Variants in SCHIP1 observed in about 807,000 individuals in gnomAD.
SCHIP1 encodes the protein schwannomin interacting protein 1, also known as schwannomin-interacting protein 1.
In SCHIP1, 8 loss-of-function variants were observed where a neutral mutation model predicts 29.7. The ratio of observed to expected loss-of-function variants is 0.27; its 90% CI spans 0.16 to 0.49. The LOEUF (loss-of-function observed/expected upper bound fraction) is 0.49. Among genes scored for constraint, SCHIP1 ranks in the 20% least tolerant of loss-of-function variants. The pLI is 0.99. For synonymous variants in SCHIP1, 76 were observed against 94.9 expected (o/e 0.80, Z 1.16); for missense variants, 193 against 294.6 (o/e 0.66, Z 2.52).
the SCHIP1 span, among the ~76,000 whole-genome samples, chr3:159,645,035 G>C: frequency 1.3e-5 from 2 of 152,150 alleles, no homozygotes; most frequent in Non-Finnish European, 2.9e-5. Flanking sequence ...GTAAGGCAGA[G>C]AACATCTGCT....
chr3:159,722,418 G>T, the SCHIP1 span: 2 of 152,186 alleles, frequency 1.3e-5, no homozygotes, highest in Non-Finnish European at 2.9e-5. Context: ...ATAATAATCG[G>T]CACTTCTCAA....
the SCHIP1 span, among the ~76,000 whole-genome samples, chr3:159,452,172 T>G: frequency 6.6e-6 from 1 of 151,716 alleles, no homozygotes; most frequent in Non-Finnish European, 1.5e-5. Flanking sequence ...GGGATACATG[T>G]GCAGAACATG....
the SCHIP1 span, among the ~76,000 whole-genome samples, chr3:159,619,465 C>T: frequency 1.3e-5 from 2 of 152,202 alleles, no homozygotes; most frequent in Non-Finnish European, 2.9e-5. Flanking sequence ...GAAAGAGAAA[C>T]CCCACTGAGC....
At chr3:159,721,214 G>A in the SCHIP1 span, among the ~76,000 whole-genome samples, 36 of 152,242 alleles carry the variant, frequency 2.4e-4, no homozygotes, top group East Asian at 7.0e-3. Context: ...GCATACCATG[G>A]ACACATAGTT....
the SCHIP1 span, among the ~76,000 whole-genome samples, chr3:159,407,573 C>T: frequency 1.3e-5 from 2 of 152,142 alleles, no homozygotes; most frequent in African/African-American, 4.8e-5. Flanking sequence ...CCAATGGCTA[C>T]AAAATACACA....
the SCHIP1 span, among the ~76,000 whole-genome samples, chr3:159,477,920 C>CTTTTTTT: frequency 1.4e-4 from 14 of 98,274 alleles, no homozygotes; most frequent in East Asian, 3.2e-4. Context: ...CATTTTAAAT[C>CTTTTTTT]TTTTTTTTTT....
rs544519522 is a variant in SCHIP1 at position 159,872,610 on chromosome 3, T to C, written c.149+6329T>C. The stretch of plus-strand genomic sequence containing the variant: ...AAGATTATTTATATCCTGTTCTTTC[T>C]GATACTTTCATCTCCACATTCTGGG... On this transcript the variant is annotated intron_variant, in intron 2 of 6. Coordinates refer to ENST00000445224, the Ensembl canonical transcript of SCHIP1. Among the ~76,000 whole-genome samples, 5 of 152,354 alleles carry C rather than the reference T, an allele frequency of 3.3e-5. No homozygotes were observed. The South Asian group carries it at 1.0e-3, about 32-fold the overall frequency.
intron 1 of SCHIP1, among the ~76,000 whole-genome samples, chr3:159,843,324 T>C (rs1023230563): frequency 3.9e-5 from 6 of 152,058 alleles, no homozygotes; most frequent in African/African-American, 1.4e-4. Flanking sequence ...ATTTCTATCA[T>C]GCTTCTCTAA....
At chr3:159,700,989 A>G in the SCHIP1 span, among the ~76,000 whole-genome samples, 5 of 152,306 alleles carry the variant, frequency 3.3e-5, no homozygotes, top group African/African-American at 9.6e-5. Flanking sequence ...ATTAACCTCT[A>G]TGAGACTCAG....
At chr3:159,522,404 A>G in the SCHIP1 span, among the ~76,000 whole-genome samples, 1 of 152,260 alleles carries the variant, frequency 6.6e-6, no homozygotes, top group Admixed American at 6.5e-5. Context: ...AGTGATTTAC[A>G]TGACAAGTAA....
At chr3:159,696,555 T>C in the SCHIP1 span, among the ~76,000 whole-genome samples, 1 of 152,224 alleles carries the variant, frequency 6.6e-6, no homozygotes, top group Non-Finnish European at 1.5e-5. Flanking sequence ...ATTTAGTCAG[T>C]TTCATTTATT....
At chr3:159,357,312 A>G in the SCHIP1 span, among the ~76,000 whole-genome samples, 1 of 152,210 alleles carries the variant, frequency 6.6e-6, no homozygotes, top group African/African-American at 2.4e-5. Context: ...CACAGAAGAG[A>G]CTAAGGAGAA....
chr3:159,834,631 C>G, the SCHIP1 span, among the ~76,000 whole-genome samples: 1 of 152,144 alleles, frequency 6.6e-6, no homozygotes, highest in Non-Finnish European at 1.5e-5. Context: ...CATTCCTCAA[C>G]CCCAAAATCT....
the SCHIP1 span, among the ~76,000 whole-genome samples, chr3:159,572,231 C>T: frequency 1.3e-5 from 2 of 152,170 alleles, no homozygotes; most frequent in African/African-American, 2.4e-5. Context: ...AATTTTAGAT[C>T]TTTCCTGCTT....
chr3:159,426,748 C>A, the SCHIP1 span, among the ~76,000 whole-genome samples: 1 of 152,192 alleles, frequency 6.6e-6, no homozygotes, highest in Non-Finnish European at 1.5e-5. Context: ...AAATTTTAGA[C>A]CGATATCCTT....
chr3:159,870,178 G>A (rs1029942563), intron 2 of SCHIP1, among the ~76,000 whole-genome samples: 1 of 151,870 alleles, frequency 6.6e-6, no homozygotes, highest in Non-Finnish European at 1.5e-5. Context: ...ACAAATAATG[G>A]CAGCTTTATT....
At chr3:159,316,722 C>A in the SCHIP1 span, among the ~76,000 whole-genome samples, 2 of 152,152 alleles carry the variant, frequency 1.3e-5, no homozygotes, top group African/African-American at 2.4e-5. Flanking sequence ...GCATCAATCC[C>A]AAACCCAAGT....
chr3:159,860,345 A>G (rs1243383867), intron 1 of SCHIP1, among the ~76,000 whole-genome samples: 2 of 152,162 alleles, frequency 1.3e-5, no homozygotes, highest in Non-Finnish European at 2.9e-5. Flanking sequence ...ATCTCCTGCA[A>G]AACCTCTAAC....
At chr3:159,785,365 T>C in the SCHIP1 span, among the ~76,000 whole-genome samples, 1 of 152,212 alleles carries the variant, frequency 6.6e-6, no homozygotes, top group African/African-American at 2.4e-5. Context: ...CTAAGAAGCA[T>C]AACCAAGCTT....
Sources: gnomAD v4.1 joint callset for allele counts (sites outside exome capture counted in the v4.1 genomes callset) on GRCh38, gnomAD v4.1.1 for gene constraint, MANE v1.5 for transcripts, NCBI Gene and HGNC (gene_info 2026-07-23, HGNC 2026-07-21) for gene names.